Variants in GPC6 observed in about 807,000 individuals in gnomAD.
GPC6 encodes glypican 6, also known as glypican-6.
Under a neutral mutation model 55.2 loss-of-function variants are expected in GPC6, and 14 were observed. That is an observed-to-expected ratio of 0.25 (90% CI 0.17 to 0.40). GPC6 has a LOEUF of 0.40. Ranked by LOEUF, GPC6 falls within the 10% of genes least tolerant of loss-of-function variation. The probability of loss-of-function intolerance (pLI) is 1.00; values close to 1 mark genes in which losing one functional copy is unlikely to be tolerated. For synonymous variants in GPC6, 278 were observed against 259.6 expected (o/e 1.07, Z -0.68); for missense variants, 641 against 708.5 (o/e 0.90, Z 1.08).
At chr13:93,430,078 G>C (rs12870555) in intron 1 of GPC6, among the ~76,000 whole-genome samples, 31,734 of 152,046 alleles carry the variant, frequency 0.21, 3,517 homozygotes, top group Middle Eastern at 0.28. Context: ...TTTTACTATA[G>C]TACTTAGACT....
chr13:93,803,893 TG>T, intron 2 of GPC6, among the ~76,000 whole-genome samples: 1 of 152,012 alleles, frequency 6.6e-6, no homozygotes, highest in South Asian at 2.1e-4. Context: ...GTGGCTGGGG[TG>T]GGGAATGGTA....
At chr13:93,383,738 T>G (rs2139207546) in intron 1 of GPC6, among the ~76,000 whole-genome samples, 1 of 152,238 alleles carries the variant, frequency 6.6e-6, no homozygotes, top group African/African-American at 2.4e-5. Context: ...AAGAATTTTT[T>G]TTTTTTTAAT....
chr13:93,360,057 T>C (rs2139176090), intron 1 of GPC6, among the ~76,000 whole-genome samples: 1 of 152,250 alleles, frequency 6.6e-6, no homozygotes, highest in African/African-American at 2.4e-5. Flanking sequence ...AGGAACATGA[T>C]TGTAAAGAAA....
chr13:93,749,723 A>C (rs2138860182), intron 2 of GPC6, among the ~76,000 whole-genome samples: 1 of 152,252 alleles, frequency 6.6e-6, no homozygotes, highest in African/African-American at 2.4e-5. Context: ...AAAAAGACAG[A>C]GGGCTTAAAC....
At chr13:93,651,769 T>TATTTAG (rs1880422281) in intron 2 of GPC6, among the ~76,000 whole-genome samples, 1 of 152,086 alleles carries the variant, frequency 6.6e-6, no homozygotes, top group Non-Finnish European at 1.5e-5. Context: ...TCCACAAGCC[T>TATTTAG]GCAAACTAAG....
chr13:94,219,671 T>G (rs1364658394), intron 4 of GPC6, among the ~76,000 whole-genome samples: 1 of 152,116 alleles, frequency 6.6e-6, no homozygotes, highest in Admixed American at 6.6e-5. Flanking sequence ...AATAAAGGCT[T>G]TGTTAGCAAA....
chr13:94,083,108 T>A (rs1169372895), intron 4 of GPC6, among the ~76,000 whole-genome samples: 1 of 152,076 alleles, frequency 6.6e-6, no homozygotes, highest in African/African-American at 2.4e-5. Context: ...CTGCTCAAGG[T>A]TTTTTTGTTT....
chr13:94,010,054 C>T (rs1050762675), intron 3 of GPC6, among the ~76,000 whole-genome samples: 52 of 152,208 alleles, frequency 3.4e-4, no homozygotes, highest in African/African-American at 1.2e-3. Flanking sequence ...ATTTAAAATA[C>T]CTTCGAAGCC....
chr13:94,087,052 G>C (rs1247463714), intron 4 of GPC6, among the ~76,000 whole-genome samples: 1 of 152,132 alleles, frequency 6.6e-6, no homozygotes, highest in African/African-American at 2.4e-5. Context: ...AGACAAAGAG[G>C]TAAGATTTGG....
At chr13:94,066,420 A>G (rs1884519826) in intron 4 of GPC6, among the ~76,000 whole-genome samples, 1 of 152,162 alleles carries the variant, frequency 6.6e-6, no homozygotes, top group South Asian at 2.1e-4. Context: ...ATTTCTTTAG[A>G]TGAAAAAAAG....
chr13:93,787,415 T>C (rs1254091223), intron 2 of GPC6, among the ~76,000 whole-genome samples: 1 of 152,234 alleles, frequency 6.6e-6, no homozygotes, highest in Non-Finnish European at 1.5e-5. Flanking sequence ...TAAAACCTTA[T>C]TTATAAAAAC....
At chr13:94,349,846 T>G (rs1213549006) in intron 6 of GPC6, among the ~76,000 whole-genome samples, 1 of 152,144 alleles carries the variant, frequency 6.6e-6, no homozygotes, top group African/African-American at 2.4e-5. Flanking sequence ...TTCTTAACTA[T>G]GTATCTATCT....
intron 3 of GPC6, among the ~76,000 whole-genome samples, chr13:93,924,792 A>C (rs1452792674): frequency 1.3e-5 from 2 of 150,148 alleles, no homozygotes; most frequent in Non-Finnish European, 3.0e-5. Context: ...CTTGAGTCAC[A>C]TTAGTTAAGT....
At chr13:93,636,821 G>T (rs954000910) in intron 2 of GPC6, among the ~76,000 whole-genome samples, 37 of 151,882 alleles carry the variant, frequency 2.4e-4, no homozygotes, top group Admixed American at 2.2e-3. Context: ...AGGGTTATTT[G>T]TTACTGCAGC....
intron 3 of GPC6, among the ~76,000 whole-genome samples, chr13:93,850,784 C>T (rs1888363350): frequency 6.6e-6 from 1 of 151,858 alleles, no homozygotes. Flanking sequence ...GTCTGAATAA[C>T]TTAATTTCTT....
intron 4 of GPC6, among the ~76,000 whole-genome samples, chr13:94,128,202 T>C (rs1886888356): frequency 6.6e-6 from 1 of 152,170 alleles, no homozygotes; most frequent in Non-Finnish European, 1.5e-5. Flanking sequence ...ATTTTACCAG[T>C]AACACTCATC....
Position 93,227,653 on chromosome 13 carries a change from C to G in GPC6, c.160+37C>G. Reference sequence around the variant, plus strand: ...CGCGCTGCAGGGGCAGGCTGCAGCCCTCGGCTGCCGCACGTCCCACTGGCC... The same window carrying G: ...CGCGCTGCAGGGGCAGGCTGCAGCCGTCGGCTGCCGCACGTCCCACTGGCC... On this transcript the variant is annotated intron_variant, in intron 1 of 8. Transcript: ENST00000377047. The surrounding 1 kb of genome is among the most constrained non-coding windows in gnomAD (Gnocchi z 4.3). 1.3e-6 allele frequency: 2 copies of G among 1,534,724 alleles called. No individual in the cohort carries two copies. The highest frequency in any genetic ancestry group is 2.3e-4 in the Middle Eastern group (1 of 4,356).
At chr13:93,892,184 T>G (rs910009958) in intron 3 of GPC6, among the ~76,000 whole-genome samples, 5 of 152,126 alleles carry the variant, frequency 3.3e-5, no homozygotes, top group African/African-American at 9.7e-5. Flanking sequence ...ACAGATATAC[T>G]AAGCCATCCC....
chr13:93,330,697 C>T (rs1018309787), intron 1 of GPC6, among the ~76,000 whole-genome samples: 1 of 152,148 alleles, frequency 6.6e-6, no homozygotes, highest in African/African-American at 2.4e-5. Flanking sequence ...TGGCTGATCT[C>T]GATTCTATTG....
Sources: gnomAD v4.1 joint callset for allele counts (sites outside exome capture counted in the v4.1 genomes callset) on GRCh38, gnomAD v4.1.1 for gene constraint, Gnocchi (gnomAD v3.1) non-coding constraint, MANE v1.5 for transcripts, NCBI Gene and HGNC (gene_info 2026-07-23, HGNC 2026-07-21) for gene names.